Variants in IL21R observed in about 807,000 individuals in gnomAD.
The protein encoded by IL21R is interleukin-21 receptor.
IL21R carries 14 observed loss-of-function variants against 41.3 expected under a neutral mutation model. The observed-to-expected ratio is 0.34, with a 90% CI of 0.22 to 0.53. IL21R has a LOEUF of 0.53. IL21R is among the 20% of genes least tolerant of loss of function. IL21R has a pLI of 0.94. For missense variants in IL21R, 588 were observed against 681.6 expected (o/e 0.86, Z 1.53); for synonymous variants, 286 against 287.6 (o/e 0.99, Z 0.05).
At chr16:27,445,936 G>T in intron 7 of IL21R, 71 bp from the exon 8 acceptor site, 1 of 1,205,980 alleles carries the variant, frequency 8.3e-7, no homozygotes, top group Non-Finnish European at 1.2e-6. Flanking sequence ...ATGAAGCTGG[G>T]GAGCGTCCGA....
intron 1 of IL21R, among the ~76,000 whole-genome samples, chr16:27,424,591 C>T (rs1044509161): frequency 1.2e-4 from 18 of 152,078 alleles, no homozygotes; most frequent in African/African-American, 4.3e-4. Flanking sequence ...AAACCTGCAG[C>T]AAAGATTGAT....
At chr16:27,419,519 C>G (rs1204276076) in intron 1 of IL21R, among the ~76,000 whole-genome samples, 1 of 152,198 alleles carries the variant, frequency 6.6e-6, no homozygotes, top group East Asian at 1.9e-4. Flanking sequence ...CCTCCACCTC[C>G]TGGGTTCATG....
At chr16:27,402,880 A>C (rs796591215) in intron 1 of IL21R, among the ~76,000 whole-genome samples, 12 of 152,304 alleles carry the variant, frequency 7.9e-5, no homozygotes, top group African/African-American at 2.9e-4. Context: ...ACCAGCCTCC[A>C]AAATGTAGCG....
chr16:27,403,185 C>T (rs1453945750), intron 1 of IL21R: 1 of 1,341,424 alleles, frequency 7.5e-7, no homozygotes, highest in African/African-American at 1.5e-5. Context: ...GCTGTCGCTG[C>T]ATCTTTCTCA....
intron 1 of IL21R, among the ~76,000 whole-genome samples, chr16:27,429,139 G>T (rs779818415): frequency 2.6e-5 from 4 of 152,076 alleles, no homozygotes; most frequent in Non-Finnish European, 4.4e-5. Context: ...CAGGAGAATC[G>T]CTTGAACCTG....
chr16:27,431,530 T>C (rs1014035329), intron 2 of IL21R, among the ~76,000 whole-genome samples: 1 of 152,208 alleles, frequency 6.6e-6, no homozygotes, highest in Non-Finnish European at 1.5e-5. Context: ...TGTGCTGCTG[T>C]AACTGAATAC....
At chr16:27,433,070 G>C (rs550291042) in intron 2 of IL21R, among the ~76,000 whole-genome samples, 4 of 152,144 alleles carry the variant, frequency 2.6e-5, no homozygotes, top group African/African-American at 4.8e-5. Context: ...TATAGGTTCT[G>C]TCCTAGAGTG....
intron 4 of IL21R, among the ~76,000 whole-genome samples, chr16:27,438,127 T>G (rs927350940): frequency 6.6e-6 from 1 of 152,148 alleles, no homozygotes; most frequent in African/African-American, 2.4e-5. Context: ...GACCCGGGAC[T>G]TCTGGGTTCG....
Position 27,443,782 on chromosome 16 carries a change from C to CA in IL21R, c.507+680dup, listed in dbSNP as rs34976912. Among the ~76,000 whole-genome samples, 991 of 126,062 alleles carry CA rather than the reference C, an allele frequency of 7.9e-3. 3 individuals are homozygous for CA. Among genetic ancestry groups the CA allele is most frequent in the Middle Eastern group, 0.028 (7 of 246 alleles). 82.7% of individuals were successfully genotyped at this position (126,062 alleles called of 152,430 possible). A position where few individuals can be genotyped will look rare whatever the true frequency, so the allele number is the denominator to read the frequency against. ...TGGGCAACAGAGTGAGACTCGATCT[C>CA]AAAAAAAAAAAAAAGGTCCAGTGTT... On this transcript the variant is annotated intron_variant, in intron 5 of 8. Transcript: ENST00000337929.
rs1458741482 is a variant in IL21R, at chr16:27,450,206, G to A, written c.*923G>A. The A allele has an allele frequency of 1.7e-5, 4 of 232,900 alleles. No homozygotes were observed. The highest frequency in any genetic ancestry group is 3.4e-5 in the Non-Finnish European group (4 of 117,894). 14.4% of individuals were successfully genotyped at this position (232,900 alleles called of 1,614,324 possible). On this transcript the variant is annotated 3_prime_UTR_variant, in exon 9 of 9. Coordinates refer to ENST00000337929, the MANE Select transcript of IL21R (RefSeq NM_181078.3). ...TCCAGGCTTAAAATCAGTCCGTTTC[G>A]TCTCTTGGAAACAGCTCCCCACCAA...
At chr16:27,443,748 A>G (rs1596595181) in intron 5 of IL21R, among the ~76,000 whole-genome samples, 1 of 150,686 alleles carries the variant, frequency 6.6e-6, no homozygotes, top group African/African-American at 2.4e-5. Context: ...GCGCTACTGC[A>G]CTCTAGCCTG....
intron 8 of IL21R, 77 bp downstream of exon 8, chr16:27,446,165 C>G (rs915558788): frequency 9.6e-5 from 115 of 1,193,856 alleles, no homozygotes; most frequent in Non-Finnish European, 1.3e-4. Flanking sequence ...TCACCCCAGG[C>G]TCCCCAGCCT....
At chr16:27,419,429 TA>T (rs2086962809) in intron 1 of IL21R, among the ~76,000 whole-genome samples, 2 of 152,184 alleles carry the variant, frequency 1.3e-5, no homozygotes, top group Non-Finnish European at 2.9e-5. Flanking sequence ...TTTTACAAGT[TA>T]ACATTTTTTG....
At chr16:27,407,070 G>T (rs767093571) in intron 1 of IL21R, among the ~76,000 whole-genome samples, 12 of 152,294 alleles carry the variant, frequency 7.9e-5, no homozygotes, top group South Asian at 2.1e-4. Context: ...GAGTTTCTGG[G>T]GACAGTGAGG....
chr16:27,446,356 GTGGAC>G (rs2087479027), intron 8 of IL21R, among the ~76,000 whole-genome samples: 1 of 152,212 alleles, frequency 6.6e-6, no homozygotes, highest in East Asian at 1.9e-4. Flanking sequence ...GCCAAAGCAA[GTGGAC>G]TGCTTGAGGC....
At chr16:27,411,635 G>GT (rs1341978278) in intron 1 of IL21R, among the ~76,000 whole-genome samples, 2 of 151,600 alleles carry the variant, frequency 1.3e-5, no homozygotes, top group Non-Finnish European at 2.9e-5. Context: ...GCTAATTTTT[G>GT]TATTTGTTAG....
At chr16:27,438,285 G>A (rs764085944) in intron 4 of IL21R, among the ~76,000 whole-genome samples, 1 of 151,680 alleles carries the variant, frequency 6.6e-6, no homozygotes, top group Non-Finnish European at 1.5e-5. Flanking sequence ...ACGACACTGA[G>A]TTACAGAAAA....
At chr16:27,407,772 C>T (rs1439375554) in intron 1 of IL21R, among the ~76,000 whole-genome samples, 1 of 152,196 alleles carries the variant, frequency 6.6e-6, no homozygotes, top group Non-Finnish European at 1.5e-5. Flanking sequence ...TTGCAGTGAG[C>T]CAAGATCGTG....
rs73531182 is a variant in IL21R at position 27,443,682 on chromosome 16, C to T, written c.507+566C>T. 7.3e-3 allele frequency among the ~76,000 whole-genome samples: 1,106 copies of T among 151,832 alleles called. 14 individuals are homozygous for T. Among genetic ancestry groups the T allele is most frequent in the African/African-American group, 0.026 (1,067 of 41,374 alleles). The stretch of plus-strand genomic sequence containing the variant: ...ACCTGTAATCCAGCTATTCTGGAGG[C>T]TTAGGCAGGAGAATCACTTGAATCC... On this transcript the variant is annotated intron_variant, in intron 5 of 8. Transcript: ENST00000337929.
Sources: allele counts gnomAD v4.1 joint callset (sites outside exome capture counted in the v4.1 genomes callset), GRCh38; gene constraint gnomAD v4.1.1; transcripts MANE v1.5; gene names NCBI Gene and HGNC (gene_info 2026-07-23, HGNC 2026-07-21).